The following ARHGAP29 variants were observed in gnomAD, a reference collection of about 807,000 sequenced individuals.
The protein encoded by ARHGAP29 is rho GTPase-activating protein 29.
A neutral mutation model predicts 122.6 loss-of-function variants in ARHGAP29; 43 were observed. The observed-to-expected ratio is 0.35, with a 90% CI of 0.27 to 0.45. The LOEUF is 0.45. Among genes scored for constraint, ARHGAP29 ranks in the 20% least tolerant of loss-of-function variants. ARHGAP29 has a pLI of 1.00. For missense variants in ARHGAP29, 1,303 were observed against 1,477.2 expected (o/e 0.88, Z 1.93); for synonymous variants, 506 against 497.1 (o/e 1.02, Z -0.24).
Position 94,220,352 on chromosome 1 carries a change from C to T in ARHGAP29, c.246G>A (p.Leu82=), listed in dbSNP as rs1256895272. The T allele has an allele frequency of 3.7e-6, 6 of 1,610,658 alleles. No individual in the cohort carries two copies. In the East Asian group the frequency reaches 1.3e-4, roughly 36 times the overall value. ...KEVIHIRLEE[L]LRVLKSIMNK... is the part of the protein sequence containing the mutation. ...TCATTATAGACTTTAAAACACGGAGCAGTTCCTCTAGACGTATATGAATAA... is the reference window on the plus strand; with the variant it reads ...TCATTATAGACTTTAAAACACGGAGTAGTTCCTCTAGACGTATATGAATAA... Residue 82 remains leucine (L), a synonymous_variant, in exon 3 of 23, where the codon CTG becomes CTA. Coordinates refer to ENST00000260526, the MANE Select transcript of ARHGAP29 (RefSeq NM_004815.4).
intron 12 of ARHGAP29, among the ~76,000 whole-genome samples, chr1:94,196,419 G>A (rs1254518020): frequency 2.7e-5 from 4 of 150,574 alleles, no homozygotes; most frequent in African/African-American, 2.4e-5. Context: ...CCGCTACCAC[G>A]CCCGGCTAAT....
chr1:94,207,206 G>A (rs1651259762), intron 5 of ARHGAP29, among the ~76,000 whole-genome samples: 1 of 151,466 alleles, frequency 6.6e-6, no homozygotes, highest in South Asian at 2.1e-4. Context: ...ACTGGGTTTC[G>A]CCACGTTGGC....
chr1:94,217,226 T>C lies in ARHGAP29; in HGVS notation c.340+3032A>G, dbSNP rs570839361. 1.8e-4 allele frequency among the ~76,000 whole-genome samples: 27 copies of C among 152,260 alleles called. No homozygotes were observed. In the East Asian group the frequency reaches 4.6e-3, roughly 26 times the overall value. ...CTAGGTCACTGCTGTTTTTTAAACA[T>C]AGTCAGAGTTAAAATTAAATGATGG... On this transcript the variant is annotated intron_variant, in intron 3 of 22. Coordinates refer to ENST00000260526, the MANE Select transcript of ARHGAP29 (RefSeq NM_004815.4).
At chr1:94,182,114 A>G (rs1434327052) in intron 19 of ARHGAP29, among the ~76,000 whole-genome samples, 1 of 151,680 alleles carries the variant, frequency 6.6e-6, no homozygotes, top group Non-Finnish European at 1.5e-5. Flanking sequence ...AAAAAATTAT[A>G]AATATCCTCA....
chr1:94,267,716 TG>T (rs1469751243), intron 1 of ARHGAP29, among the ~76,000 whole-genome samples: 1 of 152,206 alleles, frequency 6.6e-6, no homozygotes, highest in Non-Finnish European at 1.5e-5. Flanking sequence ...ACTTGCTAAC[TG>T]TGTGATCATG....
chr1:94,306,701 A>G, the ARHGAP29 span, among the ~76,000 whole-genome samples: 1 of 152,224 alleles, frequency 6.6e-6, no homozygotes, highest in Non-Finnish European at 1.5e-5. Flanking sequence ...CCAAACTGCC[A>G]AATGGATATG....
chr1:94,236,288 T>A (rs1394391152), intron 1 of ARHGAP29, among the ~76,000 whole-genome samples: 1 of 152,350 alleles, frequency 6.6e-6, no homozygotes, highest in East Asian at 1.9e-4. Flanking sequence ...AAGAGGAAGC[T>A]GCCCAGCATC....
intron 1 of ARHGAP29, among the ~76,000 whole-genome samples, chr1:94,248,631 C>A (rs1653934691): frequency 6.6e-6 from 1 of 152,190 alleles, no homozygotes; most frequent in Admixed American, 6.5e-5. Context: ...AAATATCTGT[C>A]ATATTCTTCA....
Position 94,185,002 on chromosome 1 carries a change from T to C in ARHGAP29, c.1979A>G (p.Gln660Arg). The stretch of plus-strand genomic sequence containing the variant: ...TAAGTGTATTTTTCCTGGAAGTTTC[T>C]GATGACCACAAATAATGACTAAATT... ...LENLVIICGHQKLPGKIHLFG... is the reference protein window; with the variant it reads ...LENLVIICGHRKLPGKIHLFG... Residue 660 changes from glutamine (Q) to arginine (R), a missense_variant, in exon 18 of 23, where the codon CAG becomes CGG. This residue lies in a region of ARHGAP29 where 91 missense variants were observed against 177.8 expected (regional missense o/e 0.51). Coordinates refer to ENST00000260526, the MANE Select transcript of ARHGAP29 (RefSeq NM_004815.4). The C allele has an allele frequency of 6.2e-7, 1 of 1,613,254 alleles. No homozygotes were observed. The highest frequency in any genetic ancestry group is 8.5e-7 in the Non-Finnish European group (1 of 1,179,746).
At chr1:94,287,010 G>T in the ARHGAP29 span, among the ~76,000 whole-genome samples, 1 of 152,152 alleles carries the variant, frequency 6.6e-6, no homozygotes, top group Non-Finnish European at 1.5e-5. Context: ...TAAGGGCTCA[G>T]TCCCCAGTAC....
Position 94,171,150 on chromosome 1 carries a change from C to T in ARHGAP29, c.*2719G>A, listed in dbSNP as rs771701814. 3.3e-5 allele frequency among the ~76,000 whole-genome samples: 5 copies of T among 152,108 alleles called. No homozygotes were observed. The highest frequency in any genetic ancestry group is 5.9e-5 in the Non-Finnish European group (4 of 68,018). On this transcript the variant is annotated 3_prime_UTR_variant, in exon 23 of 23. Transcript: ENST00000260526. ...CAGTTGTATAAATACTGTAACACAA[C>T]GATAGCTGGGAATAGTGTAGCCATA...
chr1:94,237,297 G>A (rs974223246), intron 1 of ARHGAP29, 118 bp downstream of exon 1: 1 of 698,260 alleles, frequency 1.4e-6, no homozygotes, highest in Non-Finnish European at 1.8e-6. Context: ...CTTCCACTCG[G>A]GGCCGCCCCG....
At chr1:94,311,525 C>A in the ARHGAP29 span, among the ~76,000 whole-genome samples, 1 of 152,042 alleles carries the variant, frequency 6.6e-6, no homozygotes, top group Non-Finnish European at 1.5e-5. Context: ...TTAAAGAAGA[C>A]CATGTTTGAG....
At chr1:94,196,025 T>A (rs1487869076) in intron 12 of ARHGAP29, 1 of 152,034 alleles carries the variant, frequency 6.6e-6, no homozygotes, top group East Asian at 1.9e-4. Context: ...AAACACACAA[T>A]ATGTTGGAGA....
chr1:94,237,696 C>G (rs1653386501), upstream of ARHGAP29: 2 of 985,316 alleles, frequency 2.0e-6, no homozygotes, highest in African/African-American at 1.7e-5. Context: ...GGCCGGCGAC[C>G]GCGGCAGGTA....
the ARHGAP29 span, among the ~76,000 whole-genome samples, chr1:94,292,264 T>C: frequency 6.6e-6 from 1 of 152,244 alleles, no homozygotes; most frequent in Non-Finnish European, 1.5e-5. Context: ...AGCCTGTGTA[T>C]GCTTCACGAA....
chr1:94,208,101 G>C (rs1407633434), intron 5 of ARHGAP29, among the ~76,000 whole-genome samples: 1 of 151,942 alleles, frequency 6.6e-6, no homozygotes, highest in African/African-American at 2.4e-5. Flanking sequence ...ACCTCTTAAA[G>C]TGCCGGGACT....
At chr1:94,291,946 T>C in the ARHGAP29 span, among the ~76,000 whole-genome samples, 1 of 152,304 alleles carries the variant, frequency 6.6e-6, no homozygotes, top group East Asian at 1.9e-4. Flanking sequence ...TTGCTCTTCT[T>C]GAGGAGTATC....
chr1:94,186,172 T>C (rs1206291456), intron 16 of ARHGAP29, among the ~76,000 whole-genome samples: 1 of 152,220 alleles, frequency 6.6e-6, no homozygotes, highest in African/African-American at 2.4e-5. Flanking sequence ...GAATTTCTTA[T>C]GCACCACAAC....
Sources: gnomAD v4.1 joint callset for allele counts (sites outside exome capture counted in the v4.1 genomes callset) on GRCh38, gnomAD v4.1.1 for gene constraint, gnomAD v4.1.1 regional missense constraint, MANE v1.5 for transcripts, NCBI Gene and HGNC (gene_info 2026-07-23, HGNC 2026-07-21) for gene names.